Variants in CLN3 observed in about 807,000 individuals in gnomAD.
CLN3 encodes the protein CLN3 lysosomal/endosomal transmembrane protein, battenin.
CLN3 carries 49 observed loss-of-function variants against 60.7 expected under a neutral mutation model. The ratio of observed to expected loss-of-function variants is 0.81; its 90% CI spans 0.64 to 1.02. The LOEUF (loss-of-function observed/expected upper bound fraction) is 1.02. CLN3 is among the 50% of genes least tolerant of loss of function. The pLI is 0.00. For synonymous variants in CLN3, 256 were observed against 245.8 expected, an observed-to-expected ratio of 1.04 and a Z score of -0.39; for missense variants, 516 against 557.4, an observed-to-expected ratio of 0.93 and a Z score of 0.75.
rs777406780 is a variant in CLN3 at position 28,477,407 on chromosome 16, G to A, written c.*109C>T. The A allele has an allele frequency of 3.8e-5, 57 of 1,486,230 alleles. No homozygotes were observed. The highest frequency in any genetic ancestry group is 8.3e-5 in the African/African-American group (6 of 72,324). 92.1% of individuals were successfully genotyped at this position (1,486,230 alleles called of 1,614,324 possible). On this transcript the variant is annotated 3_prime_UTR_variant, in exon 16 of 16. Coordinates refer to ENST00000636147, the MANE Select transcript of CLN3 (RefSeq NM_001042432.2). ...GCCCTTCCCTACTCCCAGACCTGCC[G>A]GGAAGGCTGGGAGCACAGTTCATGG...
At chr16:28,472,336 C>G (rs2045956928), downstream of CLN3, among the ~76,000 whole-genome samples, 1 of 151,686 alleles carries the variant, frequency 6.6e-6, no homozygotes, top group Non-Finnish European at 1.5e-5. Context: ...TTACGGTGAG[C>G]TATGATCACG....
At chr16:28,479,013 G>A (rs1567254924) in intron 14 of CLN3, among the ~76,000 whole-genome samples, 1 of 152,126 alleles carries the variant, frequency 6.6e-6, no homozygotes, top group Admixed American at 6.6e-5. Context: ...TGGGATTATA[G>A]GCAGGAGCCA....
downstream of CLN3, among the ~76,000 whole-genome samples, chr16:28,473,041 G>T (rs2141689015): frequency 6.6e-6 from 1 of 152,152 alleles, no homozygotes; most frequent in East Asian, 1.9e-4. Context: ...AGGCTCAAGT[G>T]ATCCTCCCAC....
chr16:28,477,406 C>A lies in CLN3; in HGVS notation c.*110G>T. On this transcript the variant is annotated 3_prime_UTR_variant, in exon 16 of 16. Transcript: ENST00000636147. The stretch of plus-strand genomic sequence containing the variant: ...AGCCCTTCCCTACTCCCAGACCTGC[C>A]GGGAAGGCTGGGAGCACAGTTCATG... 1 of 1,479,568 alleles carries A rather than the reference C, an allele frequency of 6.8e-7. No homozygotes were observed. Among genetic ancestry groups the A allele is most frequent in the Non-Finnish European group, 9.3e-7 (1 of 1,069,964 alleles). 91.7% of individuals were successfully genotyped at this position (1,479,568 alleles called of 1,614,324 possible). A position where few individuals can be genotyped will look rare whatever the true frequency, so the allele number is the denominator to read the frequency against.
At position 28,477,524 on chromosome 16, in the gene CLN3, G is replaced by C; in HGVS notation, c.1309C>G (p.Leu437Val). Reference protein sequence around the residue: ...ALPLHDFLCQLS With the variant: ...ALPLHDFLCQVS The stretch of plus-strand genomic sequence containing the variant: ...CCTGAGGATCCCGAGTATCAGGAGA[G>C]CTGGCAGAGGAAGTCATGCAGAGGC... The change falls in exon 16 of 16, where the codon CTC (leucine) becomes GTC (valine). Residue 437 changes from leucine (L) to valine (V), a missense_variant. By Grantham distance (32) the Leu-to-Val change is conservative. Coordinates refer to ENST00000636147, the MANE Select transcript of CLN3 (RefSeq NM_001042432.2). The C allele has an allele frequency of 1.2e-6, 2 of 1,613,424 alleles. No homozygotes were observed. The highest frequency in any genetic ancestry group is 1.7e-6 in the Non-Finnish European group (2 of 1,180,028).
intron 14 of CLN3, among the ~76,000 whole-genome samples, chr16:28,480,331 G>C (rs2046066797): frequency 6.6e-6 from 1 of 151,932 alleles, no homozygotes; most frequent in Admixed American, 6.6e-5. Flanking sequence ...TGGGATTACA[G>C]GTGTGAGCCA....
downstream of CLN3, among the ~76,000 whole-genome samples, chr16:28,471,914 C>T (rs888683222): frequency 6.6e-6 from 1 of 152,152 alleles, no homozygotes; most frequent in Non-Finnish European, 1.5e-5. Flanking sequence ...CCTGTAGTCC[C>T]AGATACTTGG....
At chr16:28,478,618 A>T (rs952985260) in intron 14 of CLN3, among the ~76,000 whole-genome samples, 6 of 53,134 alleles carry the variant, frequency 1.1e-4, no homozygotes, top group Admixed American at 2.2e-4. Context: ...CCTGTCTCAT[A>T]AAAAAAAAAA....
chr16:28,469,971 A>C (rs1162308951), downstream of CLN3, among the ~76,000 whole-genome samples: 1 of 110,022 alleles, frequency 9.1e-6, no homozygotes, highest in Non-Finnish European at 1.9e-5. Flanking sequence ...GACTCTGTCT[A>C]AAAAAAAAAA....
In CLN3 at chr16:28,491,734, C is replaced by A; in HGVS notation, c.26G>T (p.Arg9Leu). 1 of 1,613,968 alleles carries A rather than the reference C, an allele frequency of 6.2e-7. No homozygotes were observed. The highest frequency in any genetic ancestry group is 8.5e-7 in the Non-Finnish European group (1 of 1,179,994). The stretch of plus-strand genomic sequence containing the variant: ...CTCACCCTCGGAATCCGAAAAGCGC[C>A]GCCGCGAGCCTGCACAGCCTCCCAT... MGGCAGSR[R>L]RFSDSEGEET... Residue 9 changes from arginine (R) to leucine (L), a missense_variant, in exon 2 of 16, where the codon CGG becomes CTG. Physicochemically the swap from Arg to Leu is moderately radical, Grantham distance 102 (BLOSUM62 -2). Coordinates refer to ENST00000636147, the MANE Select transcript of CLN3 (RefSeq NM_001042432.2).
intron 9 of CLN3, chr16:28,484,460 C>G (rs895430839): frequency 3.4e-6 from 1 of 291,488 alleles, no homozygotes; most frequent in Admixed American, 4.5e-5. Flanking sequence ...GCAATCCTCC[C>G]GCCTCAGCCT....
chr16:28,488,819 G>C (rs1010224179), intron 4 of CLN3, among the ~76,000 whole-genome samples, 157 bp from the exon 5 acceptor site: 6 of 152,220 alleles, frequency 3.9e-5, no homozygotes, highest in Non-Finnish European at 8.8e-5. Flanking sequence ...ACAATGAAGA[G>C]GGGGTTTCCA....
chr16:28,478,773 A>G (rs1042406997), intron 14 of CLN3, among the ~76,000 whole-genome samples: 10 of 152,090 alleles, frequency 6.6e-5, no homozygotes, highest in African/African-American at 1.9e-4. Flanking sequence ...ATTTAGCAGG[A>G]TCCCTGGCCT....
chr16:28,478,074 G>C (rs929049160), intron 14 of CLN3, among the ~76,000 whole-genome samples, 197 bp from the exon 15 acceptor site: 2 of 152,140 alleles, frequency 1.3e-5, no homozygotes. Flanking sequence ...GAGGTGGGCA[G>C]ATCACCTGAG....
intron 9 of CLN3, among the ~76,000 whole-genome samples, chr16:28,485,599 AGGG>A (rs1567259647): frequency 6.8e-6 from 1 of 147,062 alleles, no homozygotes; most frequent in Non-Finnish European, 1.5e-5. Context: ...AAAAAAAAAA[AGGG>A]AGTCGCCATG....
chr16:28,476,192 TCA>T (rs2045993504), downstream of CLN3: 1 of 152,004 alleles, frequency 6.6e-6, no homozygotes, highest in Admixed American at 6.6e-5. Flanking sequence ...TGGCCCAGAC[TCA>T]GTTTACTGTA....
At chr16:28,482,787 T>A in intron 10 of CLN3, 115 bp from the exon 11 acceptor site, 1 of 1,090,768 alleles carries the variant, frequency 9.2e-7, no homozygotes, top group Non-Finnish European at 1.4e-6. Context: ...CTCACTTCCA[T>A]GCCACTGGAT....
At chr16:28,478,724 TG>T (rs1234007773) in intron 14 of CLN3, among the ~76,000 whole-genome samples, 5 of 151,836 alleles carry the variant, frequency 3.3e-5, no homozygotes, top group Non-Finnish European at 5.9e-5. Flanking sequence ...TGGTGCTGGT[TG>T]TTCTGCATGG....
chr16:28,484,891 C>T (rs965600367), intron 9 of CLN3: 1 of 151,102 alleles, frequency 6.6e-6, no homozygotes, highest in Non-Finnish European at 1.5e-5. Flanking sequence ...TCTACTTAGA[C>T]TTGTCCTAAG....
Sources: gnomAD v4.1 joint callset for allele counts (sites outside exome capture counted in the v4.1 genomes callset) on GRCh38, gnomAD v4.1.1 for gene constraint, MANE v1.5 for transcripts, NCBI Gene and HGNC (gene_info 2026-07-23, HGNC 2026-07-21) for gene names.